NBEA: variants seen among roughly 807,000 people sequenced by gnomAD.
NBEA encodes lysosomal-trafficking regulator 2.
In NBEA, 44 loss-of-function variants were observed where a neutral mutation model predicts 343.4. That is an observed-to-expected ratio of 0.13 (90% CI 0.10 to 0.16). The LOEUF (loss-of-function observed/expected upper bound fraction) is 0.16, where lower values mean the gene tolerates loss of function less well. Among genes scored for constraint, NBEA ranks in the 10% least tolerant of loss-of-function variants. The pLI, the probability that NBEA is intolerant of heterozygous loss-of-function variation, is 1.00. For synonymous variants in NBEA, 1,175 were observed against 1,238.7 expected, an observed-to-expected ratio of 0.95 and a Z score of 1.08; for missense variants, 2,555 against 3,631.3, an observed-to-expected ratio of 0.70 and a Z score of 7.62.
At chr13:35,433,770 T>G (rs1346087212) in intron 39 of NBEA, among the ~76,000 whole-genome samples, 1 of 152,056 alleles carries the variant, frequency 6.6e-6, no homozygotes, top group African/African-American at 2.4e-5. Context: ...CTCTAAGGAT[T>G]TGATACCAAC....
chr13:35,157,081 C>T lies in NBEA; in HGVS notation c.2655C>T (p.Cys885=). The change falls in exon 21 of 59, where the codon TGC becomes TGT. Residue 885 remains cysteine, a synonymous_variant. Coordinates refer to ENST00000379939, the MANE Select transcript of NBEA (RefSeq NM_001385012.1). Reference sequence around the variant, plus strand: ...GATCAAATTTTTTTCTCCCTAGATGCTTATTGCAGTGTTCAGTGTGGCAGG... The same window carrying T: ...GATCAAATTTTTTTCTCCCTAGATGTTTATTGCAGTGTTCAGTGTGGCAGG... ...LFSNSRENRR[C]LLQCSVWQDW... is the part of the protein sequence containing the mutation. The T allele has an allele frequency of 6.5e-7, 1 of 1,549,686 alleles. No individual in the cohort carries two copies. Among genetic ancestry groups the T allele is most frequent in the South Asian group, 1.3e-5 (1 of 77,560 alleles).
At chr13:35,207,091 T>A (rs1393420689) in intron 31 of NBEA, among the ~76,000 whole-genome samples, 1 of 151,974 alleles carries the variant, frequency 6.6e-6, no homozygotes, top group Non-Finnish European at 1.5e-5. Flanking sequence ...CTATTTAAGA[T>A]TATAATACCT....
intron 1 of NBEA, among the ~76,000 whole-genome samples, chr13:35,011,427 G>T (rs921479481): frequency 1.3e-4 from 20 of 152,098 alleles, no homozygotes; most frequent in African/African-American, 4.6e-4. Context: ...ACCACACCTT[G>T]AATACTATAA....
intron 39 of NBEA, among the ~76,000 whole-genome samples, chr13:35,437,951 G>A (rs985424209): frequency 6.6e-6 from 1 of 152,144 alleles, no homozygotes. Context: ...TTTGTTGACT[G>A]TCAATTATTA....
rs544530795 is a variant in NBEA, at chr13:35,049,385, A to G, written c.845+701A>G. On this transcript the variant is annotated intron_variant, in intron 5 of 58. Transcript: ENST00000379939. ...GTTCTGGCTTTACCACCTACTATTC[A>G]CCTTGTACTTTTGGTGTCTTCAACT... Among the ~76,000 whole-genome samples, 47 of 151,870 alleles carry G rather than the reference A, an allele frequency of 3.1e-4. 1 individual carries two copies. The South Asian group carries it at 9.1e-3, about 29-fold the overall frequency.
intron 8 of NBEA, among the ~76,000 whole-genome samples, chr13:35,061,776 ATCT>A (rs1322177928): frequency 1.3e-5 from 2 of 151,754 alleles, no homozygotes; most frequent in Admixed American, 6.6e-5. Context: ...TAACAAACTG[ATCT>A]TCTCACAAAT....
At chr13:34,959,412 A>G (rs750374199) in intron 1 of NBEA, among the ~76,000 whole-genome samples, 44 of 152,242 alleles carry the variant, frequency 2.9e-4, no homozygotes, top group Middle Eastern at 6.8e-3. Context: ...TACTAAGTAT[A>G]GATTCCAATG....
chr13:34,955,668 T>C (rs1161563117), intron 1 of NBEA, among the ~76,000 whole-genome samples: 1 of 152,210 alleles, frequency 6.6e-6, no homozygotes, highest in African/African-American at 2.4e-5. Context: ...TACAGTAAAT[T>C]AAATCAACTT....
intron 5 of NBEA, among the ~76,000 whole-genome samples, chr13:35,049,467 T>C (rs2062986943): frequency 6.6e-6 from 1 of 151,842 alleles, no homozygotes; most frequent in African/African-American, 2.4e-5. Context: ...GAGAATCATA[T>C]TTAAAGCTCT....
intron 18 of NBEA, among the ~76,000 whole-genome samples, chr13:35,143,786 T>C (rs1022396984): frequency 6.6e-6 from 1 of 152,022 alleles, no homozygotes; most frequent in African/African-American, 2.4e-5. Context: ...GGAGGACTGC[T>C]TGATCCCAGG....
At chr13:35,240,398 C>T (rs2030022056) in intron 34 of NBEA, among the ~76,000 whole-genome samples, 1 of 151,738 alleles carries the variant, frequency 6.6e-6, no homozygotes, top group Admixed American at 6.6e-5. Context: ...GGCTGCTAAA[C>T]TCACAAATAG....
At chr13:35,351,029 G>A (rs967599223) in intron 37 of NBEA, among the ~76,000 whole-genome samples, 5 of 151,922 alleles carry the variant, frequency 3.3e-5, no homozygotes, top group South Asian at 4.2e-4. Context: ...GAGGCAGATC[G>A]TTGTACTAAT....
At chr13:35,028,151 G>A (rs1209669069) in intron 1 of NBEA, among the ~76,000 whole-genome samples, 3 of 151,752 alleles carry the variant, frequency 2.0e-5, no homozygotes, top group African/African-American at 4.8e-5. Flanking sequence ...TTAAGGTATT[G>A]TAATTCCTTT....
At chr13:35,563,146 G>GATAGAGATAGATAGAT (rs1381397875) in intron 44 of NBEA, among the ~76,000 whole-genome samples, 3 of 150,070 alleles carry the variant, frequency 2.0e-5, no homozygotes, top group Non-Finnish European at 4.4e-5. Flanking sequence ...TAGATAGATA[G>GATAGAGATAGATAGAT]ATAGATAGAT....
At chr13:35,526,086 T>TA (rs2152995433) in intron 41 of NBEA, among the ~76,000 whole-genome samples, 1 of 152,304 alleles carries the variant, frequency 6.6e-6, no homozygotes, top group Admixed American at 6.5e-5. Context: ...TCCTCGTTGG[T>TA]AAAATGGGGA....
At chr13:35,477,815 C>A (rs928166027) in intron 41 of NBEA, among the ~76,000 whole-genome samples, 5 of 152,052 alleles carry the variant, frequency 3.3e-5, no homozygotes, top group Non-Finnish European at 5.9e-5. Context: ...TGGATTTAAA[C>A]ATCATTTTGA....
intron 41 of NBEA, among the ~76,000 whole-genome samples, chr13:35,534,295 A>T (rs1364126893): frequency 6.6e-6 from 1 of 152,186 alleles, no homozygotes; most frequent in African/African-American, 2.4e-5. Flanking sequence ...TATCTGTCTC[A>T]GAACTGTCTG....
intron 18 of NBEA, among the ~76,000 whole-genome samples, chr13:35,155,483 G>A (rs897491063): frequency 6.6e-6 from 1 of 152,066 alleles, no homozygotes; most frequent in Non-Finnish European, 1.5e-5. Flanking sequence ...AAATTAGCCA[G>A]GCGTGGTGGC....
At chr13:35,452,319 T>C (rs909846043) in intron 40 of NBEA, 84 bp downstream of exon 40, 1 of 972,280 alleles carries the variant, frequency 1.0e-6, no homozygotes, top group East Asian at 2.6e-5. Flanking sequence ...AGTAAATAAA[T>C]GTGTGCCAAT....
Sources: gnomAD v4.1 joint callset for allele counts (sites outside exome capture counted in the v4.1 genomes callset) on GRCh38, gnomAD v4.1.1 for gene constraint, MANE v1.5 for transcripts, NCBI Gene and HGNC (gene_info 2026-07-23, HGNC 2026-07-21) for gene names.